The following CLDN10 variants were observed in gnomAD, a reference collection of about 807,000 sequenced individuals.
CLDN10 encodes the protein claudin 10.
CLDN10 carries 15 observed loss-of-function variants against 22.9 expected under a neutral mutation model. The ratio of observed to expected loss-of-function variants is 0.65; its 90% confidence interval spans 0.44 to 1.01. CLDN10 has a LOEUF of 1.01. CLDN10 is among the 50% of genes least tolerant of loss of function. The pLI, the probability that CLDN10 is intolerant of heterozygous loss-of-function variation, is 0.00. For synonymous variants in CLDN10, 114 were observed against 111.4 expected (o/e 1.02, Z -0.15); for missense variants, 247 against 287.8 (o/e 0.86, Z 1.03).
chr13:95,444,829 C>T (rs1043882372), intron 1 of CLDN10, among the ~76,000 whole-genome samples: 1 of 152,212 alleles, frequency 6.6e-6, no homozygotes, highest in Non-Finnish European at 1.5e-5. Flanking sequence ...GAGTCTCACT[C>T]TGTCACACAG....
At chr13:95,477,486 GA>G in intron 1 of CLDN10, among the ~76,000 whole-genome samples, 1 of 152,310 alleles carries the variant, frequency 6.6e-6, no homozygotes, top group African/African-American at 2.4e-5. Flanking sequence ...CTTCCAGGGG[GA>G]GGGGGACAGT....
chr13:95,448,310 A>G (rs67473675), intron 1 of CLDN10, among the ~76,000 whole-genome samples: 15,569 of 152,060 alleles, frequency 0.1, 1,048 homozygotes, highest in East Asian at 0.27. Context: ...TTGCCATGCA[A>G]TCATACACAC....
chr13:95,550,145 G>A (rs905373848), upstream of CLDN10, among the ~76,000 whole-genome samples: 1 of 152,198 alleles, frequency 6.6e-6, no homozygotes, highest in South Asian at 2.1e-4. Flanking sequence ...AGAGAAGAGT[G>A]TTCCAAGCAG....
intron 1 of CLDN10, among the ~76,000 whole-genome samples, chr13:95,447,091 T>A (rs970128607): frequency 2.0e-5 from 3 of 152,170 alleles, no homozygotes; most frequent in Admixed American, 6.5e-5. Flanking sequence ...CCAAATATAG[T>A]CCATGCATAA....
chr13:95,480,389 A>C lies in CLDN10; in HGVS notation c.214+46342A>C, dbSNP rs115067115. 8.8e-3 allele frequency among the ~76,000 whole-genome samples: 1,345 copies of C among 152,294 alleles called. 26 individuals are homozygous for C. The highest frequency in any genetic ancestry group is 0.03 in the African/African-American group (1,265 of 41,558). ...TATTAGAGGAGAATGCCCTTGCCCA[A>C]TCCTGGCAGAAAACCTCTCTCCACA... On this transcript the variant is annotated intron_variant, in intron 1 of 4. Coordinates refer to the CLDN10 transcript ENST00000376873.
At chr13:95,520,970 A>G (rs1254846373) in intron 1 of CLDN10, among the ~76,000 whole-genome samples, 2 of 152,184 alleles carry the variant, frequency 1.3e-5, no homozygotes, top group East Asian at 3.9e-4. Flanking sequence ...TCAAAAAAAA[A>G]AAACAGCAAA....
At chr13:95,524,257 C>T (rs906967626) in intron 1 of CLDN10, among the ~76,000 whole-genome samples, 2 of 152,036 alleles carry the variant, frequency 1.3e-5, no homozygotes, top group Admixed American at 6.6e-5. Flanking sequence ...ATGAATGAGG[C>T]CTTTCACACG....
At chr13:95,515,968 G>T (rs2043162270) in intron 1 of CLDN10, among the ~76,000 whole-genome samples, 1 of 152,048 alleles carries the variant, frequency 6.6e-6, no homozygotes, top group African/African-American at 2.4e-5. Context: ...CAGCTACTCA[G>T]GAGGCTGAGG....
intron 1 of CLDN10, among the ~76,000 whole-genome samples, chr13:95,485,075 A>G (rs890194149): frequency 3.3e-5 from 5 of 152,064 alleles, no homozygotes; most frequent in African/African-American, 1.2e-4. Flanking sequence ...ACATATGCTC[A>G]TGGCCCAGGG....
intron 1 of CLDN10, among the ~76,000 whole-genome samples, chr13:95,529,559 T>A (rs996617795): frequency 1.3e-5 from 2 of 152,184 alleles, no homozygotes; most frequent in African/African-American, 4.8e-5. Context: ...TAGGCTGGAA[T>A]AATTTAGTCA....
At chr13:95,552,685 G>A, upstream of CLDN10, 1 of 1,483,692 alleles carries the variant, frequency 6.7e-7, no homozygotes, top group East Asian at 2.7e-5. Flanking sequence ...GCGGAGCCCC[G>A]GGGTTGGGAG....
chr13:95,566,224 T>G (rs1370530686), intron 3 of CLDN10, among the ~76,000 whole-genome samples: 2 of 152,264 alleles, frequency 1.3e-5, no homozygotes, highest in Non-Finnish European at 2.9e-5. Flanking sequence ...ATGTTTGAAC[T>G]AATTTACACT....
Position 95,578,976 on chromosome 13 carries a change from G to GAGAT in CLDN10, c.*966_*969dup, listed in dbSNP as rs2043977031. 1 of 152,214 alleles carries GAGAT rather than the reference G, an allele frequency of 6.6e-6. No homozygotes were observed. The highest frequency in any genetic ancestry group is 2.1e-4 in the South Asian group (1 of 4,828). The allele number at this position is 152,214 out of a possible 1,614,324, so 9.4% of individuals were successfully genotyped here. A position where few individuals can be genotyped will look rare whatever the true frequency, so the allele number is the denominator to read the frequency against. ...CTGAGCTAGGGCATCAGCAGAAGCT[G>GAGAT]AGATAGAGATATTGGTCATGGTTGA... On this transcript the variant is annotated 3_prime_UTR_variant, in exon 5 of 5. Coordinates refer to ENST00000299339, the MANE Select transcript of CLDN10 (RefSeq NM_006984.5).
intron 1 of CLDN10, among the ~76,000 whole-genome samples, chr13:95,517,472 C>T (rs187461023): frequency 6.6e-6 from 1 of 152,182 alleles, no homozygotes; most frequent in Non-Finnish European, 1.5e-5. Context: ...CCAAAGGGAA[C>T]TAAGACACTG....
chr13:95,550,970 G>A (rs1473020167), upstream of CLDN10, among the ~76,000 whole-genome samples: 1 of 151,888 alleles, frequency 6.6e-6, no homozygotes, highest in African/African-American at 2.4e-5. Context: ...ACTGCGCCCA[G>A]CCAGGGAGAT....
At chr13:95,444,411 C>T (rs775134528) in intron 1 of CLDN10, among the ~76,000 whole-genome samples, 2 of 152,186 alleles carry the variant, frequency 1.3e-5, no homozygotes, top group African/African-American at 4.8e-5. Context: ...AATAATTTGG[C>T]AAATCATTCA....
At chr13:95,537,722 C>T (rs59703294) in intron 1 of CLDN10, among the ~76,000 whole-genome samples, 2,288 of 152,284 alleles carry the variant, frequency 0.015, 68 homozygotes, top group African/African-American at 0.053. Flanking sequence ...CTGTAACTGG[C>T]TTGAATTCCA....
At chr13:95,467,473 T>C (rs900335252) in intron 1 of CLDN10, among the ~76,000 whole-genome samples, 1 of 152,140 alleles carries the variant, frequency 6.6e-6, no homozygotes, top group East Asian at 1.9e-4. Flanking sequence ...ATTTGGTGAA[T>C]ATGCCTTTTA....
At chr13:95,516,984 TTCCTTCCTTCCTTCCTTCCTTC>T (rs1566312308) in intron 1 of CLDN10, among the ~76,000 whole-genome samples, 1 of 35,436 alleles carries the variant, frequency 2.8e-5, no homozygotes, top group African/African-American at 7.7e-5. Context: ...CCTTCCTTCC[TTCCTTCCTTCCTTCCTTCCTTC>T]CTTCCTTCCT....
Sources: allele counts gnomAD v4.1 joint callset (sites outside exome capture counted in the v4.1 genomes callset), GRCh38; gene constraint gnomAD v4.1.1; transcripts MANE v1.5; gene names NCBI Gene and HGNC (gene_info 2026-07-23, HGNC 2026-07-21).